UNC13C: variants seen among roughly 807,000 people sequenced by gnomAD.
UNC13C encodes the protein protein unc-13 homolog C.
UNC13C carries 174 observed loss-of-function variants against 245.4 expected under a neutral mutation model. The ratio of observed to expected loss-of-function variants is 0.71; its 90% CI spans 0.63 to 0.80. The LOEUF is 0.80. UNC13C is among the 30% of genes least tolerant of loss of function. The pLI is 0.00. For missense variants in UNC13C, 2,829 were observed against 2,602.9 expected (o/e 1.09, Z -1.89); for synonymous variants, 992 against 895.1 (o/e 1.11, Z -1.93).
chr15:54,218,666 A>C (rs969018885), intron 4 of UNC13C, among the ~76,000 whole-genome samples: 11 of 152,090 alleles, frequency 7.2e-5, no homozygotes, highest in African/African-American at 2.6e-4. Flanking sequence ...GATACTGAAT[A>C]TAAAAATGAC....
chr15:53,986,752 A>G (rs112114166), intron 1 of UNC13C, among the ~76,000 whole-genome samples: 42 of 150,088 alleles, frequency 2.8e-4, no homozygotes, highest in African/African-American at 1.0e-3. Flanking sequence ...GTTATGTAAA[A>G]CTCTTAGAGG....
chr15:54,281,739 A>G (rs1364134834), intron 10 of UNC13C, among the ~76,000 whole-genome samples: 5 of 152,246 alleles, frequency 3.3e-5, no homozygotes, highest in Non-Finnish European at 5.9e-5. Flanking sequence ...AATTCTTACA[A>G]CAGTATTATG....
At chr15:53,956,937 C>A in the UNC13C span, among the ~76,000 whole-genome samples, 1 of 138,306 alleles carries the variant, frequency 7.2e-6, no homozygotes, top group Non-Finnish European at 1.6e-5. Context: ...TAAAACATGG[C>A]AGCTCTGCAT....
chr15:54,629,005 T>TATTC (rs1901377679), downstream of UNC13C: 1 of 152,164 alleles, frequency 6.6e-6, no homozygotes. Flanking sequence ...ACTGCAGCAC[T>TATTC]ATTCACAATA....
At chr15:54,630,332 T>G (rs1015638579), downstream of UNC13C, 1 of 152,214 alleles carries the variant, frequency 6.6e-6, no homozygotes, top group Non-Finnish European at 1.5e-5. Flanking sequence ...GAATTTATCT[T>G]AAATGAGGCA....
At chr15:53,850,422 A>AT in the UNC13C span, among the ~76,000 whole-genome samples, 2,614 of 152,080 alleles carry the variant, frequency 0.017, 52 homozygotes, top group East Asian at 0.081. Context: ...CTCTAAAACT[A>AT]TTTTTTTAAT....
intron 30 of UNC13C, among the ~76,000 whole-genome samples, chr15:54,580,849 CTCTTGGAGTGACTGAGAGA>C (rs1898167423): frequency 6.6e-6 from 1 of 152,170 alleles, no homozygotes; most frequent in Non-Finnish European, 1.5e-5. Flanking sequence ...TCCTAAGAGG[CTCTTGGAGTGACTGAGAGA>C]TCTGTGACAC....
Position 54,047,681 on chromosome 15 carries a change from A to C in UNC13C, c.2983+31795A>C, listed in dbSNP as rs191657143. On this transcript the variant is annotated intron_variant, in intron 2 of 32. Coordinates refer to ENST00000260323, the MANE Select transcript of UNC13C (RefSeq NM_001080534.3). Reference sequence around the variant, plus strand: ...ATTTGAGTTGTTTCCGCCTTTTGCTATTCAAGTAATGCTGCTGTGAACTTT... The same window carrying C: ...ATTTGAGTTGTTTCCGCCTTTTGCTCTTCAAGTAATGCTGCTGTGAACTTT... Among the ~76,000 whole-genome samples the C allele has an allele frequency of 1.3e-3, 204 of 152,266 alleles. 5 individuals are homozygous for C. The South Asian group carries it at 0.028, about 21-fold the overall frequency.
At chr15:54,017,298 C>T (rs1001571706) in intron 2 of UNC13C, among the ~76,000 whole-genome samples, 3 of 151,950 alleles carry the variant, frequency 2.0e-5, no homozygotes, top group African/African-American at 7.3e-5. Context: ...AAATGTTATG[C>T]AAATGTAATG....
chr15:54,186,836 A>AATATATATATATATAT lies in UNC13C; in HGVS notation c.3071+43160_3071+43161insATATATATATATATAT, dbSNP rs372623344. Reference sequence around the variant, plus strand: ...GTCCACTGACACATACAAAGAACATAATATATATGTATATATATATTTTGT... The same window carrying AATATATATATATATAT: ...GTCCACTGACACATACAAAGAACATAATATATATATATATATATATATATGTATATATATATTTTGT... On this transcript the variant is annotated intron_variant, in intron 4 of 32. Coordinates refer to ENST00000260323, the MANE Select transcript of UNC13C (RefSeq NM_001080534.3). Among the ~76,000 whole-genome samples the AATATATATATATATAT allele has an allele frequency of 3.2e-4, 40 of 126,178 alleles. 4 individuals carry two copies. Among genetic ancestry groups the AATATATATATATATAT allele is most frequent in the East Asian group, 2.5e-3 (11 of 4,390 alleles). 82.8% of individuals were successfully genotyped at this position (126,178 alleles called of 152,430 possible). A position where few individuals can be genotyped will look rare whatever the true frequency, so the allele number is the denominator to read the frequency against.
At chr15:54,348,517 A>G (rs1190847185) in intron 17 of UNC13C, among the ~76,000 whole-genome samples, 2 of 152,128 alleles carry the variant, frequency 1.3e-5, no homozygotes, top group African/African-American at 4.8e-5. Flanking sequence ...ATCTCTTTGT[A>G]TTAGACGGAA....
chr15:54,177,186 A>G (rs984789772), intron 4 of UNC13C, among the ~76,000 whole-genome samples: 3 of 152,142 alleles, frequency 2.0e-5, no homozygotes, highest in African/African-American at 4.8e-5. Flanking sequence ...TGTAGCAGGT[A>G]ACACACTTAA....
chr15:53,996,617 C>T (rs1894645158), intron 1 of UNC13C, among the ~76,000 whole-genome samples: 1 of 152,072 alleles, frequency 6.6e-6, no homozygotes, highest in Non-Finnish European at 1.5e-5. Flanking sequence ...TCTCATATCC[C>T]CTTCAAGTCA....
intron 1 of UNC13C, among the ~76,000 whole-genome samples, chr15:53,979,521 G>A (rs144786993): frequency 6.6e-6 from 1 of 152,296 alleles, no homozygotes; most frequent in Non-Finnish European, 1.5e-5. Flanking sequence ...GTTCTGTGGT[G>A]CTCAAGGAGG....
At chr15:54,132,390 C>A (rs1204013912) in intron 2 of UNC13C, among the ~76,000 whole-genome samples, 1 of 152,066 alleles carries the variant, frequency 6.6e-6, no homozygotes, top group African/African-American at 2.4e-5. Context: ...TTTTAGATTA[C>A]TGTTGAGGCT....
chr15:54,014,195 C>T lies in UNC13C; in HGVS notation c.1292C>T (p.Ala431Val), dbSNP rs1355987492. 6.2e-7 allele frequency: 1 copy of T among 1,613,850 alleles called. No homozygotes were observed. Among genetic ancestry groups the T allele is most frequent in the Non-Finnish European group, 8.5e-7 (1 of 1,179,842 alleles). ...TCCTCCCAGACATATGAGAGCATGG[C>T]TATAAAGTTGTCTACTCCAGAGCCA... ...IPSSQTYESM[A>V]IKLSTPEPKI... Residue 431 changes from alanine (A) to valine (V), a missense_variant, in exon 2 of 33, where the codon GCT becomes GTT. Coordinates refer to ENST00000260323, the MANE Select transcript of UNC13C (RefSeq NM_001080534.3).
intron 30 of UNC13C, among the ~76,000 whole-genome samples, chr15:54,582,838 A>G (rs1028367959): frequency 2.0e-5 from 3 of 152,186 alleles, no homozygotes; most frequent in Non-Finnish European, 4.4e-5. Flanking sequence ...AATGTTGACC[A>G]TTTATATTAC....
the UNC13C span, among the ~76,000 whole-genome samples, chr15:53,860,452 G>T: frequency 6.6e-6 from 1 of 152,238 alleles, no homozygotes; most frequent in Non-Finnish European, 1.5e-5. Context: ...AATTGGTCAT[G>T]CAACCCCTAT....
chr15:54,573,221 C>A (rs1300981823), intron 30 of UNC13C, among the ~76,000 whole-genome samples: 1 of 152,062 alleles, frequency 6.6e-6, no homozygotes, highest in African/African-American at 2.4e-5. Flanking sequence ...GCTCTTTTCT[C>A]TCCTATTTTT....
Sources: allele counts gnomAD v4.1 joint callset (sites outside exome capture counted in the v4.1 genomes callset), GRCh38; gene constraint gnomAD v4.1.1; transcripts MANE v1.5; gene names NCBI Gene and HGNC (gene_info 2026-07-23, HGNC 2026-07-21).